Variants in COX10 observed in about 807,000 individuals in gnomAD.
COX10 encodes the protein protoheme IX farnesyltransferase, mitochondrial.
In COX10, 27 loss-of-function variants were observed where a neutral mutation model predicts 37.3. The ratio of observed to expected loss-of-function variants is 0.72; its 90% CI spans 0.53 to 1.00. The LOEUF (loss-of-function observed/expected upper bound fraction) is 1.00. COX10 is among the 50% of genes least tolerant of loss of function. COX10 has a pLI of 0.00. For missense variants in COX10, 475 were observed against 563.2 expected (o/e 0.84, Z 1.59); for synonymous variants, 222 against 229.1 (o/e 0.97, Z 0.28).
intron 4 of COX10, among the ~76,000 whole-genome samples, chr17:14,141,685 T>G (rs574602547): frequency 1.3e-5 from 2 of 152,272 alleles, no homozygotes; most frequent in East Asian, 3.9e-4. Context: ...GACTTTTTTT[T>G]GTAAAGACAT....
At chr17:14,174,934 G>A (rs549638649) in intron 5 of COX10, among the ~76,000 whole-genome samples, 4 of 148,340 alleles carry the variant, frequency 2.7e-5, no homozygotes, top group Admixed American at 6.9e-5. Context: ...CCACTGGTAC[G>A]TGCAGTGACA....
At chr17:14,158,745 A>G (rs1905107835) in intron 4 of COX10, among the ~76,000 whole-genome samples, 1 of 152,160 alleles carries the variant, frequency 6.6e-6, no homozygotes, top group South Asian at 2.1e-4. Context: ...TATTGTGCTC[A>G]TATGATTTGA....
intron 6 of COX10, among the ~76,000 whole-genome samples, chr17:14,204,476 C>T (rs1182938581): frequency 6.6e-6 from 1 of 151,996 alleles, no homozygotes; most frequent in Non-Finnish European, 1.5e-5. Flanking sequence ...CTCCTCCCCT[C>T]CTTATTTACA....
intron 5 of COX10, among the ~76,000 whole-genome samples, chr17:14,184,131 G>A (rs897619156): frequency 8.5e-5 from 13 of 152,204 alleles, no homozygotes; most frequent in South Asian, 2.1e-4. Context: ...ACGATCACAC[G>A]GCTAAACAAG....
intron 4 of COX10, among the ~76,000 whole-genome samples, chr17:14,151,672 C>T (rs1904901505): frequency 6.6e-6 from 1 of 152,092 alleles, no homozygotes; most frequent in African/African-American, 2.4e-5. Flanking sequence ...TTGGAATCCT[C>T]TTTCATCCCA....
intron 6 of COX10, among the ~76,000 whole-genome samples, chr17:14,196,703 C>A (rs1045585928): frequency 6.6e-6 from 1 of 152,176 alleles, no homozygotes; most frequent in Non-Finnish European, 1.5e-5. Flanking sequence ...TCCTTCCAAG[C>A]CTGTGTGCCT....
chr17:14,181,107 A>G (rs1340401025), intron 5 of COX10, among the ~76,000 whole-genome samples: 1 of 152,066 alleles, frequency 6.6e-6, no homozygotes, highest in African/African-American at 2.4e-5. Flanking sequence ...GGAGAGAGAA[A>G]ATGTCCTTGG....
At chr17:14,131,993 T>A (rs993825033) in intron 4 of COX10, among the ~76,000 whole-genome samples, 1 of 152,042 alleles carries the variant, frequency 6.6e-6, no homozygotes, top group Non-Finnish European at 1.5e-5. Flanking sequence ...TCTTTAAATA[T>A]GTACATTGTT....
At chr17:14,072,478 C>T (rs1269343490) in intron 1 of COX10, among the ~76,000 whole-genome samples, 1 of 152,106 alleles carries the variant, frequency 6.6e-6, no homozygotes, top group East Asian at 1.9e-4. Flanking sequence ...ACCTTGGCCT[C>T]CCAAGTAGCT....
chr17:14,070,187 C>T (rs1366874755), intron 1 of COX10, among the ~76,000 whole-genome samples: 1 of 152,158 alleles, frequency 6.6e-6, no homozygotes, highest in Non-Finnish European at 1.5e-5. Context: ...AAACTAGTGA[C>T]AAATGTATAT....
intron 4 of COX10, among the ~76,000 whole-genome samples, chr17:14,103,773 A>G (rs1258432655): frequency 6.6e-6 from 1 of 152,196 alleles, no homozygotes; most frequent in Non-Finnish European, 1.5e-5. Context: ...TTAGACAGAA[A>G]TTGAACATAA....
intron 4 of COX10, among the ~76,000 whole-genome samples, chr17:14,113,946 T>G (rs1443882069): frequency 6.6e-6 from 1 of 152,172 alleles, no homozygotes. Context: ...GTTACGACAA[T>G]GTATATTGTA....
intron 6 of COX10, among the ~76,000 whole-genome samples, chr17:14,205,527 C>T (rs567827101): frequency 4.3e-4 from 66 of 152,296 alleles, no homozygotes; most frequent in Non-Finnish European, 7.2e-4. Flanking sequence ...GATTGTTGCT[C>T]GCCATGGTAT....
intron 5 of COX10, among the ~76,000 whole-genome samples, chr17:14,186,636 T>G (rs2142259571): frequency 6.6e-6 from 1 of 151,718 alleles, no homozygotes; most frequent in South Asian, 2.1e-4. Flanking sequence ...GCTCACCACA[T>G]TATATACAGT....
intron 4 of COX10, among the ~76,000 whole-genome samples, chr17:14,141,061 A>G (rs1309605923): frequency 6.6e-6 from 1 of 151,984 alleles, no homozygotes; most frequent in Non-Finnish European, 1.5e-5. Context: ...TTGCGTAATC[A>G]TGAGTTACGG....
chr17:14,160,097 A>T (rs1905142182), intron 5 of COX10, 150 bp downstream of exon 5: 2 of 741,204 alleles, frequency 2.7e-6, no homozygotes, highest in Non-Finnish European at 2.3e-6. Context: ...AATACTTTCC[A>T]CCTCTAACCA....
chr17:14,115,166 C>G (rs1188526382), intron 4 of COX10, among the ~76,000 whole-genome samples: 1 of 152,116 alleles, frequency 6.6e-6, no homozygotes, highest in Non-Finnish European at 1.5e-5. Flanking sequence ...GCTAAACACA[C>G]AGTGTTACTT....
At chr17:14,145,928 G>A (rs1904700514) in intron 4 of COX10, among the ~76,000 whole-genome samples, 1 of 152,098 alleles carries the variant, frequency 6.6e-6, no homozygotes, top group Admixed American at 6.6e-5. Context: ...AGAAAAGAAA[G>A]TTTCTAATTG....
intron 1 of COX10, 112 bp downstream of exon 1, chr17:14,069,760 C>A: frequency 7.6e-7 from 1 of 1,318,464 alleles, no homozygotes; most frequent in South Asian, 1.2e-5. Flanking sequence ...CGAGGTTGGC[C>A]GGCCACCGGT....
Sources: allele counts gnomAD v4.1 joint callset (sites outside exome capture counted in the v4.1 genomes callset), GRCh38; gene constraint gnomAD v4.1.1; transcripts MANE v1.5; gene names NCBI Gene and HGNC (gene_info 2026-07-23, HGNC 2026-07-21).